The following PARVA variants were observed in gnomAD, a reference collection of about 807,000 sequenced individuals.
PARVA encodes the protein alpha-parvin.
In PARVA, 25 loss-of-function variants were observed where a neutral mutation model predicts 52.6. The ratio of observed to expected loss-of-function variants is 0.48; its 90% CI spans 0.35 to 0.66. PARVA has a LOEUF of 0.66. Ranked by LOEUF, PARVA falls within the 30% of genes least tolerant of loss-of-function variation. The probability of loss-of-function intolerance (pLI) is 0.01; values close to 1 mark genes in which losing one functional copy is unlikely to be tolerated. For synonymous variants in PARVA, 185 were observed against 179.1 expected (o/e 1.03, Z -0.26); for missense variants, 373 against 450.9 (o/e 0.83, Z 1.56).
chr11:12,514,168 G>A lies in PARVA; in HGVS notation c.867+103G>A, dbSNP rs940942458. The A allele has an allele frequency of 8.4e-6, 7 of 831,066 alleles. No homozygotes were observed. The Admixed American group carries it at 1.2e-4, about 14-fold the overall frequency. 51.5% of individuals were successfully genotyped at this position (831,066 alleles called of 1,614,324 possible). The stretch of plus-strand genomic sequence containing the variant: ...GCCAGGAGGGCTTTCCCAGCTGAGG[G>A]GGATGAGGGCATGGGAATCTGTCCT... On this transcript the variant is annotated intron_variant, in intron 10 of 12. Transcript: ENST00000334956.
At position 12,430,138 on chromosome 11, in the gene PARVA, C is replaced by A. The variant is rs76339332; in HGVS notation, c.137-43607C>A. On this transcript the variant is annotated intron_variant, in intron 1 of 12. Transcript: ENST00000334956. ...GTTGATTTCCAAGAAGTAAATACCC[C>A]CACTAGGGCCAATTTTGTGGTATCC... Among the ~76,000 whole-genome samples, 1,510 of 152,212 alleles carry A rather than the reference C, an allele frequency of 9.9e-3. 15 individuals carry two copies. The highest frequency in any genetic ancestry group is 0.027 in the African/African-American group (1,124 of 41,534).
intron 8 of PARVA, 111 bp from the exon 9 acceptor site, chr11:12,513,188 A>G (rs1240251216): frequency 5.9e-6 from 5 of 852,112 alleles, no homozygotes; most frequent in Non-Finnish European, 1.0e-5. Context: ...GAGGCTTCCC[A>G]TCGGTAGTTG....
chr11:12,395,486 T>G (rs1939729217), intron 1 of PARVA, among the ~76,000 whole-genome samples: 1 of 152,172 alleles, frequency 6.6e-6, no homozygotes, highest in Admixed American at 6.5e-5. Flanking sequence ...CTCTAAAAGT[T>G]AGAAGCACAG....
At chr11:12,472,184 A>G (rs893930942) in intron 1 of PARVA, among the ~76,000 whole-genome samples, 1 of 152,220 alleles carries the variant, frequency 6.6e-6, no homozygotes, top group African/African-American at 2.4e-5. Context: ...GTCTTAGGCC[A>G]CACATAAAAT....
chr11:12,521,144 G>A (rs1228127747), intron 12 of PARVA, among the ~76,000 whole-genome samples: 2 of 152,164 alleles, frequency 1.3e-5, no homozygotes, highest in East Asian at 3.9e-4. Context: ...ATTGAAGTCT[G>A]TAGGACTAAA....
intron 4 of PARVA, among the ~76,000 whole-genome samples, chr11:12,493,572 G>A (rs1457272190): frequency 6.8e-6 from 1 of 147,338 alleles, no homozygotes; most frequent in Non-Finnish European, 1.5e-5. Context: ...ACAAAACAAA[G>A]CCACAAAAAT....
At chr11:12,477,414 G>A (rs187143276) in intron 3 of PARVA, among the ~76,000 whole-genome samples, 2 of 152,204 alleles carry the variant, frequency 1.3e-5, no homozygotes, top group Admixed American at 6.5e-5. Flanking sequence ...TTTTATGGCC[G>A]TACACTGTGA....
intron 1 of PARVA, among the ~76,000 whole-genome samples, chr11:12,415,748 A>G (rs1175011301): frequency 1.3e-5 from 2 of 152,226 alleles, no homozygotes; most frequent in East Asian, 3.8e-4. Context: ...ATTTGCTCTG[A>G]TATCAAAGGG....
chr11:12,389,291 C>G (rs1939623715), intron 1 of PARVA, among the ~76,000 whole-genome samples: 1 of 152,108 alleles, frequency 6.6e-6, no homozygotes, highest in African/African-American at 2.4e-5. Context: ...AGTGTCTGCT[C>G]CCTTCTGTCA....
At chr11:12,499,164 C>G (rs1941335564) in intron 5 of PARVA, among the ~76,000 whole-genome samples, 1 of 152,142 alleles carries the variant, frequency 6.6e-6, no homozygotes, top group Non-Finnish European at 1.5e-5. Context: ...ATTACTAGGT[C>G]AGAGGGAATA....
rs73411520 is a variant in PARVA at position 12,419,132 on chromosome 11, A to C, written c.136+41349A>C. Among the ~76,000 whole-genome samples, 883 of 152,300 alleles carry C rather than the reference A, an allele frequency of 5.8e-3. 11 individuals are homozygous for C. The highest frequency in any genetic ancestry group is 0.02 in the African/African-American group (852 of 41,570). Reference sequence around the variant, plus strand: ...AGCCATCTTAAAAAAATTGTAGTAAAATACATATAACTTAAATTCTTAACC... The same window carrying C: ...AGCCATCTTAAAAAAATTGTAGTAACATACATATAACTTAAATTCTTAACC... On this transcript the variant is annotated intron_variant, in intron 1 of 12. Transcript: ENST00000334956.
At chr11:12,517,915 C>T (rs1941590727) in intron 11 of PARVA, among the ~76,000 whole-genome samples, 1 of 152,208 alleles carries the variant, frequency 6.6e-6, no homozygotes, top group Non-Finnish European at 1.5e-5. Context: ...CTGCCTTTCC[C>T]TTGCCCTGAA....
intron 1 of PARVA, among the ~76,000 whole-genome samples, chr11:12,421,471 T>C (rs1016054102): frequency 6.6e-6 from 1 of 152,198 alleles, no homozygotes; most frequent in Non-Finnish European, 1.5e-5. Context: ...TTTTCTTTAA[T>C]CTGCCTTTTA....
chr11:12,377,029 A>G (rs1054994153), upstream of PARVA, among the ~76,000 whole-genome samples: 5 of 152,152 alleles, frequency 3.3e-5, no homozygotes, highest in Non-Finnish European at 7.4e-5. Context: ...TCAGTCTTGG[A>G]TGGGAGTAGA....
intron 1 of PARVA, among the ~76,000 whole-genome samples, chr11:12,455,933 T>C (rs1457490152): frequency 1.3e-5 from 2 of 152,188 alleles, no homozygotes; most frequent in Non-Finnish European, 2.9e-5. Flanking sequence ...CTGGGTACTT[T>C]CACCATGCCA....
chr11:12,488,377 G>C (rs529437584), intron 4 of PARVA, among the ~76,000 whole-genome samples: 1 of 152,198 alleles, frequency 6.6e-6, no homozygotes, highest in African/African-American at 2.4e-5. Context: ...GGCTAAACTG[G>C]TGTGAAAAGG....
At chr11:12,453,218 A>G (rs975252666) in intron 1 of PARVA, among the ~76,000 whole-genome samples, 6 of 151,774 alleles carry the variant, frequency 4.0e-5, no homozygotes, top group African/African-American at 1.5e-4. Context: ...TGTTAGAGGT[A>G]GCTATGGGGG....
rs1182280957 is a variant in PARVA at position 12,415,756 on chromosome 11, G to A, written c.136+37973G>A. ...AAATTTTATTTGCTCTGATATCAAA[G>A]GGATATCTTTCTGCTCCCACCAGCC... On this transcript the variant is annotated intron_variant, in intron 1 of 12. Transcript: ENST00000334956. 1.3e-5 allele frequency among the ~76,000 whole-genome samples: 2 copies of A among 152,152 alleles called. 1 individual carries two copies.
At chr11:12,473,655 C>T in intron 1 of PARVA, 90 bp from the exon 2 acceptor site, 5 of 957,014 alleles carry the variant, frequency 5.2e-6, no homozygotes, top group Admixed American at 2.1e-5. Context: ...GTTTTTTTCT[C>T]AATGTCAATA....
Sources: gnomAD v4.1 joint callset for allele counts (sites outside exome capture counted in the v4.1 genomes callset) on GRCh38, gnomAD v4.1.1 for gene constraint, MANE v1.5 for transcripts, NCBI Gene and HGNC (gene_info 2026-07-23, HGNC 2026-07-21) for gene names.